CHODL: variants seen among roughly 807,000 people sequenced by gnomAD.
CHODL encodes chondrolectin, also known as transmembrane protein MT75.
In CHODL, 29 loss-of-function variants were observed where a neutral mutation model predicts 34.5. That is an observed-to-expected ratio of 0.84 (90% confidence interval 0.63 to 1.15). The LOEUF is 1.15. CHODL is among the 50% of genes most tolerant of loss of function. The pLI is 0.00. For missense variants in CHODL, 332 were observed against 332.5 expected, an observed-to-expected ratio of 1.00 and a Z score of 0.01; for synonymous variants, 125 against 116.1, an observed-to-expected ratio of 1.08 and a Z score of -0.49.
Position 17,973,929 on chromosome 21 carries a change from A to G in CHODL, c.-144-53943A>G, listed in dbSNP as rs116386439. Among the ~76,000 whole-genome samples the G allele has an allele frequency of 3.9e-3, 591 of 152,290 alleles. 5 individuals are homozygous for G. The highest frequency in any genetic ancestry group is 0.014 in the African/African-American group (576 of 41,552). On this transcript the variant is annotated intron_variant, in intron 1 of 6. Coordinates refer to the CHODL transcript ENST00000400127. The stretch of plus-strand genomic sequence containing the variant: ...GCTCAGCTTAAGCCATGGAGAGATC[A>G]AATAAATGTATGTACTGGGGAAATA...
At chr21:18,104,406 G>A (rs760886907) in intron 2 of CHODL, among the ~76,000 whole-genome samples, 40 of 152,028 alleles carry the variant, frequency 2.6e-4, no homozygotes, top group African/African-American at 7.0e-4. Flanking sequence ...CTTCCCCTTC[G>A]CCTTCCGCCA....
At chr21:18,217,872 A>G (rs894445421) in intron 2 of CHODL, among the ~76,000 whole-genome samples, 6 of 152,170 alleles carry the variant, frequency 3.9e-5, no homozygotes, top group Non-Finnish European at 5.9e-5. Flanking sequence ...TATAAGTACA[A>G]AATTCAGTGG....
intron 1 of CHODL, among the ~76,000 whole-genome samples, chr21:17,927,258 A>G (rs933744230): frequency 6.6e-6 from 1 of 151,478 alleles, no homozygotes; most frequent in Non-Finnish European, 1.5e-5. Context: ...TGGCTCCAGA[A>G]AAATAGGGAA....
At position 18,257,261 on chromosome 21, in the gene CHODL, A is replaced by G. The variant is rs1207392443; in HGVS notation, c.547+134A>G. The G allele has an allele frequency of 8.0e-6, 6 of 753,552 alleles. No individual in the cohort carries two copies. The South Asian group carries it at 1.2e-4, about 15-fold the overall frequency. 46.7% of individuals were successfully genotyped at this position (753,552 alleles called of 1,614,324 possible). ...ATAGAAAATTACCTTGCAGTTTCTC[A>G]TATCACTCGTGTAATGAAGCATATC... is the stretch of plus-strand genomic sequence containing the variant. On this transcript the variant is annotated intron_variant, in intron 3 of 5. Transcript: ENST00000299295.
At chr21:17,934,073 G>A (rs887868040) in intron 1 of CHODL, among the ~76,000 whole-genome samples, 7 of 151,310 alleles carry the variant, frequency 4.6e-5, no homozygotes, top group Non-Finnish European at 8.8e-5. Flanking sequence ...AGTAGTCACT[G>A]GAGACTCCAA....
At chr21:18,195,028 ATTAT>A (rs56855621) in intron 2 of CHODL, among the ~76,000 whole-genome samples, 62,665 of 143,762 alleles carry the variant, frequency 0.44, 13,705 homozygotes, top group East Asian at 0.56. Context: ...AATACAATAC[ATTAT>A]TTATTTATTT....
chr21:18,155,760 T>C (rs1423270509), intron 2 of CHODL, among the ~76,000 whole-genome samples: 2 of 152,174 alleles, frequency 1.3e-5, no homozygotes, highest in African/African-American at 4.8e-5. Context: ...CTGAATGGAA[T>C]GTTGTTTTGA....
At chr21:18,046,592 C>T (rs1369830533) in intron 2 of CHODL, among the ~76,000 whole-genome samples, 16 of 151,916 alleles carry the variant, frequency 1.1e-4, no homozygotes, top group African/African-American at 3.9e-4. Flanking sequence ...GGAACAGGTA[C>T]CCACTGTTGA....
rs1280455846 is a variant in CHODL, at chr21:18,266,780, TAAAC to T, written c.*744_*747del. ...CTTATAATTATTTTTAGCTTAAAAT[TAAAC>T]AGATTTTGTAATAATGTAACTTTGT... is the stretch of plus-strand genomic sequence containing the variant. On this transcript the variant is annotated 3_prime_UTR_variant, in exon 6 of 6. Coordinates refer to ENST00000299295, the MANE Select transcript of CHODL (RefSeq NM_024944.3). The T allele has an allele frequency of 1.3e-5, 2 of 152,730 alleles. No homozygotes were observed. The allele number at this position is 152,730 out of a possible 1,614,324, so 9.5% of individuals were successfully genotyped here.
chr21:18,226,671 AT>A (rs971254262), intron 2 of CHODL, among the ~76,000 whole-genome samples: 2 of 152,146 alleles, frequency 1.3e-5, no homozygotes, highest in African/African-American at 4.8e-5. Context: ...AAGTATTATT[AT>A]ATTATCTTTT....
chr21:17,923,363 A>G (rs1157409269), intron 1 of CHODL, among the ~76,000 whole-genome samples: 2 of 149,848 alleles, frequency 1.3e-5, no homozygotes, highest in East Asian at 2.0e-4. Context: ...GCTCAATTTT[A>G]CAGATTTGTA....
chr21:18,160,865 G>A lies in CHODL; in HGVS notation c.-44-95644G>A, dbSNP rs573801417. Among the ~76,000 whole-genome samples, 3 of 152,274 alleles carry A rather than the reference G, an allele frequency of 2.0e-5. 1 individual carries two copies. In the South Asian group the frequency reaches 6.2e-4, roughly 32 times the overall value. On this transcript the variant is annotated intron_variant, in intron 2 of 6. Coordinates refer to the CHODL transcript ENST00000400127. ...AGATACTCAGTAATGGGATTGCTGG[G>A]TTGGATGGTATTTCTGTCTTTAGGT...
intron 1 of CHODL, among the ~76,000 whole-genome samples, chr21:18,023,462 T>A (rs537683384): frequency 3.3e-5 from 5 of 152,076 alleles, no homozygotes; most frequent in Non-Finnish European, 7.4e-5. Context: ...GGACCAGTGC[T>A]GAGCTTGGGT....
chr21:17,951,852 G>A (rs2146342464), intron 1 of CHODL, among the ~76,000 whole-genome samples: 1 of 152,210 alleles, frequency 6.6e-6, no homozygotes, highest in Non-Finnish European at 1.5e-5. Context: ...GTTACAAGTA[G>A]TCTCACATTC....
At chr21:18,223,651 C>T (rs566602009) in intron 2 of CHODL, among the ~76,000 whole-genome samples, 4 of 152,206 alleles carry the variant, frequency 2.6e-5, no homozygotes, top group South Asian at 4.1e-4. Flanking sequence ...TTTCTCCCGT[C>T]GTTCTCTCAT....
At chr21:18,195,608 C>T (rs758622308) in intron 2 of CHODL, among the ~76,000 whole-genome samples, 1 of 152,094 alleles carries the variant, frequency 6.6e-6, no homozygotes, top group Non-Finnish European at 1.5e-5. Context: ...ATGTCCTCCA[C>T]GTTTATCCAT....
intron 2 of CHODL, among the ~76,000 whole-genome samples, chr21:18,184,594 G>A (rs2073418518): frequency 6.6e-6 from 1 of 152,182 alleles, no homozygotes; most frequent in African/African-American, 2.4e-5. Context: ...TAAGTTGAAA[G>A]AAGTCTGACT....
intron 1 of CHODL, among the ~76,000 whole-genome samples, chr21:17,967,362 G>A (rs2063580542): frequency 6.6e-6 from 1 of 152,154 alleles, no homozygotes. Context: ...ATCTAAAGGA[G>A]AATCATATCC....
chr21:18,229,387 T>G (rs2073959063), intron 2 of CHODL, among the ~76,000 whole-genome samples: 1 of 152,098 alleles, frequency 6.6e-6, no homozygotes, highest in Non-Finnish European at 1.5e-5. Flanking sequence ...AGGCCCTGAG[T>G]GCATTAGGTG....
Sources: allele counts gnomAD v4.1 joint callset (sites outside exome capture counted in the v4.1 genomes callset), GRCh38; gene constraint gnomAD v4.1.1; transcripts MANE v1.5; gene names NCBI Gene and HGNC (gene_info 2026-07-23, HGNC 2026-07-21).